Variants in NUDCD3 observed in about 807,000 individuals in gnomAD.
NUDCD3 encodes nudC domain-containing protein 3.
NUDCD3 carries 13 observed loss-of-function variants against 39.7 expected under a neutral mutation model. The ratio of observed to expected loss-of-function variants is 0.33; its 90% CI spans 0.21 to 0.52. NUDCD3 has a LOEUF of 0.52. Among genes scored for constraint, NUDCD3 ranks in the 20% least tolerant of loss-of-function variants. The pLI is 0.96. For synonymous variants in NUDCD3, 175 were observed against 172.4 expected, an observed-to-expected ratio of 1.02 and a Z score of -0.12; for missense variants, 453 against 458.1, an observed-to-expected ratio of 0.99 and a Z score of 0.10.
chr7:44,437,992 G>A (rs543820231), intron 2 of NUDCD3, among the ~76,000 whole-genome samples: 1 of 152,138 alleles, frequency 6.6e-6, no homozygotes, highest in South Asian at 2.1e-4. Context: ...TTTTTTAGCA[G>A]TATTTAAGTG....
At chr7:44,402,437 CA>C (rs1277869454) in intron 4 of NUDCD3, among the ~76,000 whole-genome samples, 1 of 152,198 alleles carries the variant, frequency 6.6e-6, no homozygotes, top group Non-Finnish European at 1.5e-5. Flanking sequence ...CTTCCGTCAA[CA>C]AAACCCTTAA....
Position 44,381,696 on chromosome 7 carries a change from G to C in NUDCD3, c.*4315C>G, listed in dbSNP as rs1343054673. ...TGTTTCCTAAGCTGTCCTTCTCCAG[G>C]GAGAATAGCCTCAGCCCTGCCTGAC... On this transcript the variant is annotated 3_prime_UTR_variant, in exon 6 of 6. Coordinates refer to ENST00000355451, the MANE Select transcript of NUDCD3 (RefSeq NM_015332.4). 1 of 152,222 alleles carries C rather than the reference G, an allele frequency of 6.6e-6. No individual in the cohort carries two copies. The highest frequency in any genetic ancestry group is 2.4e-5 in the African/African-American group (1 of 41,434). 9.4% of individuals were successfully genotyped at this position (152,222 alleles called of 1,614,324 possible). A position where few individuals can be genotyped will look rare whatever the true frequency, so the allele number is the denominator to read the frequency against.
intron 4 of NUDCD3, 102 bp from the exon 5 acceptor site, chr7:44,392,587 C>G (rs934485540): frequency 1.9e-5 from 19 of 1,003,236 alleles, no homozygotes; most frequent in Non-Finnish European, 2.5e-5. Flanking sequence ...CCAGGATAAG[C>G]TCAGGACCAA....
intron 2 of NUDCD3, among the ~76,000 whole-genome samples, chr7:44,481,844 G>T (rs931477271): frequency 4.6e-5 from 7 of 152,162 alleles, no homozygotes. Flanking sequence ...CTGCCTTCAT[G>T]ACTGGAATTA....
rs1295114798 is a variant in NUDCD3 at position 44,382,544 on chromosome 7, G to A, written c.*3467C>T. On this transcript the variant is annotated 3_prime_UTR_variant, in exon 6 of 6. Coordinates refer to ENST00000355451, the MANE Select transcript of NUDCD3 (RefSeq NM_015332.4). ...GGGCACTCCCCAGGGCAGCAGCCTG[G>A]TTTAAATGCCTGTTCCCCAGACCCC... 6.6e-6 allele frequency: 1 copy of A among 152,312 alleles called. No homozygotes were observed. The highest frequency in any genetic ancestry group is 2.4e-5 in the African/African-American group (1 of 41,460). 9.4% of individuals were successfully genotyped at this position (152,312 alleles called of 1,614,324 possible).
At chr7:44,414,742 A>C (rs1230084871) in intron 3 of NUDCD3, among the ~76,000 whole-genome samples, 2 of 152,352 alleles carry the variant, frequency 1.3e-5, no homozygotes, top group East Asian at 3.9e-4. Flanking sequence ...CTGTTATGGA[A>C]GTTTCCTATA....
intron 5 of NUDCD3, among the ~76,000 whole-genome samples, chr7:44,387,041 C>T (rs1362277348): frequency 6.6e-6 from 1 of 152,188 alleles, no homozygotes; most frequent in Non-Finnish European, 1.5e-5. Flanking sequence ...CCAATATGAT[C>T]CACAGTCCCT....
intron 2 of NUDCD3, among the ~76,000 whole-genome samples, chr7:44,475,746 A>C (rs1800355960): frequency 6.6e-6 from 1 of 152,120 alleles, no homozygotes; most frequent in African/African-American, 2.4e-5. Flanking sequence ...CAGCCTGGGC[A>C]ACAGAGTAAG....
rs778212828 is a variant in NUDCD3, at chr7:44,380,109, C to A, written c.*5902G>T. 2.0e-5 allele frequency: 3 copies of A among 152,272 alleles called. No individual in the cohort carries two copies. Among genetic ancestry groups the A allele is most frequent in the East Asian group, 1.9e-4 (1 of 5,196 alleles). 9.4% of individuals were successfully genotyped at this position (152,272 alleles called of 1,614,324 possible). ...CAGTGGCTGGGGTCTTGTCATCAGG[C>A]ACCCTGAATGCTTTCAGGTGGATGG... On this transcript the variant is annotated 3_prime_UTR_variant, in exon 6 of 6. Coordinates refer to ENST00000355451, the MANE Select transcript of NUDCD3 (RefSeq NM_015332.4).
At chr7:44,470,224 G>A (rs942191321) in intron 2 of NUDCD3, among the ~76,000 whole-genome samples, 7 of 152,132 alleles carry the variant, frequency 4.6e-5, no homozygotes, top group African/African-American at 1.7e-4. Context: ...GAGAGAATAT[G>A]CTAGTCTTTG....
intron 2 of NUDCD3, among the ~76,000 whole-genome samples, chr7:44,476,553 C>T (rs2116972411): frequency 6.6e-6 from 1 of 152,302 alleles, no homozygotes; most frequent in East Asian, 1.9e-4. Flanking sequence ...AACCTGCTGG[C>T]ACCTTGATCT....
intron 2 of NUDCD3, among the ~76,000 whole-genome samples, chr7:44,436,876 A>G (rs1185603549): frequency 1.3e-5 from 2 of 152,180 alleles, no homozygotes; most frequent in Non-Finnish European, 2.9e-5. Context: ...AAAGACGTCT[A>G]TCTGGTCAAC....
Position 44,385,218 on chromosome 7 carries a change from T to G in NUDCD3, c.*793A>C, listed in dbSNP as rs2116852367. On this transcript the variant is annotated 3_prime_UTR_variant, in exon 6 of 6. Coordinates refer to ENST00000355451, the MANE Select transcript of NUDCD3 (RefSeq NM_015332.4). The stretch of plus-strand genomic sequence containing the variant: ...CACTCCTGCCCACACTTTGACACCG[T>G]GCACCCAAAGAGGACGTCTTATGGG... 6.6e-6 allele frequency: 1 copy of G among 152,356 alleles called. No homozygotes were observed. Among genetic ancestry groups the G allele is most frequent in the Admixed American group, 6.5e-5 (1 of 15,296 alleles). The allele number at this position is 152,356 out of a possible 1,614,324, so 9.4% of individuals were successfully genotyped here.
intron 2 of NUDCD3, among the ~76,000 whole-genome samples, chr7:44,464,127 T>C (rs922022478): frequency 1.3e-5 from 2 of 151,174 alleles, no homozygotes; most frequent in Non-Finnish European, 2.9e-5. Context: ...GACAGGAGAA[T>C]TGCTTGAACC....
rs1332232526 is a variant in NUDCD3, at chr7:44,385,468, AGAAGACCACGT to A, written c.*532_*542del. ...AAGCACATTTATAAGGGGATGAGCA[AGAAGACCACGT>A]GAATGCTCTCAAAAGAGGTCAAGGG... On this transcript the variant is annotated 3_prime_UTR_variant, in exon 6 of 6. Coordinates refer to ENST00000355451, the MANE Select transcript of NUDCD3 (RefSeq NM_015332.4). The A allele has an allele frequency of 6.5e-6, 1 of 153,994 alleles. No homozygotes were observed. The highest frequency in any genetic ancestry group is 2.4e-5 in the African/African-American group (1 of 41,310). 9.5% of individuals were successfully genotyped at this position (153,994 alleles called of 1,614,324 possible).
At chr7:44,481,198 T>A (rs1423129033) in intron 2 of NUDCD3, 2 of 152,174 alleles carry the variant, frequency 1.3e-5, no homozygotes, top group Non-Finnish European at 2.9e-5. Context: ...CATCCATGAA[T>A]TTTGGTATCC....
chr7:44,447,590 G>A (rs866617277), intron 2 of NUDCD3, among the ~76,000 whole-genome samples: 16 of 152,190 alleles, frequency 1.1e-4, no homozygotes, highest in Non-Finnish European at 2.2e-4. Context: ...GCCCATCTTA[G>A]AAGCAGAGAG....
intron 3 of NUDCD3, among the ~76,000 whole-genome samples, chr7:44,424,729 G>A (rs1399129611): frequency 1.3e-5 from 2 of 152,176 alleles, no homozygotes; most frequent in African/African-American, 2.4e-5. Context: ...AGACAGTGTG[G>A]TGATTCCTCA....
intron 4 of NUDCD3, among the ~76,000 whole-genome samples, chr7:44,392,852 A>AC (rs565416795): frequency 2.7e-5 from 4 of 148,922 alleles, no homozygotes; most frequent in African/African-American, 7.5e-5. Context: ...GACCCATGAC[A>AC]CCCCCCCACA....
Sources: gnomAD v4.1 joint callset for allele counts (sites outside exome capture counted in the v4.1 genomes callset) on GRCh38, gnomAD v4.1.1 for gene constraint, MANE v1.5 for transcripts, NCBI Gene and HGNC (gene_info 2026-07-23, HGNC 2026-07-21) for gene names.